The following MICAL3 variants were observed in gnomAD, a reference collection of about 807,000 sequenced individuals.
The protein encoded by MICAL3 is microtubule associated monooxygenase, calponin and LIM domain containing 3.
In MICAL3, 62 loss-of-function variants were observed where a neutral mutation model predicts 207.4. The ratio of observed to expected loss-of-function variants is 0.30; its 90% confidence interval spans 0.24 to 0.37. The LOEUF is 0.37. MICAL3 is among the 10% of genes least tolerant of loss of function. The pLI is 1.00. For missense variants in MICAL3, 2,368 were observed against 2,635.6 expected (o/e 0.90, Z 2.22); for synonymous variants, 1,077 against 1,069.3 (o/e 1.01, Z -0.14).
chr22:17,989,282 A>G (rs1291910132), intron 1 of MICAL3, among the ~76,000 whole-genome samples: 1 of 152,074 alleles, frequency 6.6e-6, no homozygotes, highest in African/African-American at 2.4e-5. Context: ...TTGCCCTTGC[A>G]GTCAGGGCAA....
intron 1 of MICAL3, among the ~76,000 whole-genome samples, chr22:17,955,445 C>A (rs9618175): frequency 0.062 from 9,466 of 152,250 alleles, 526 homozygotes; most frequent in African/African-American, 0.15. Flanking sequence ...TCCTCCCCCT[C>A]AGGAGGGGAT....
At chr22:17,857,009 A>G (rs1317220790) in intron 19 of MICAL3, among the ~76,000 whole-genome samples, 1 of 152,182 alleles carries the variant, frequency 6.6e-6, no homozygotes, top group African/African-American at 2.4e-5. Flanking sequence ...TCTCACTGTA[A>G]CCTGGTCTTT....
intron 1 of MICAL3, among the ~76,000 whole-genome samples, chr22:17,928,175 C>A (rs1484226071): frequency 3.3e-5 from 5 of 152,124 alleles, no homozygotes; most frequent in Non-Finnish European, 7.3e-5. Flanking sequence ...CGCGGTGGCT[C>A]ATGCCTGTAA....
chr22:17,896,118 C>T, intron 9 of MICAL3, 128 bp downstream of exon 9: 1 of 566,616 alleles, frequency 1.8e-6, no homozygotes, highest in Non-Finnish European at 3.2e-6. Flanking sequence ...TCCTCTTTTC[C>T]ACATGAAAAC....
At chr22:18,022,945 C>T (rs1019197209) in intron 1 of MICAL3, among the ~76,000 whole-genome samples, 9 of 152,152 alleles carry the variant, frequency 5.9e-5, no homozygotes, top group African/African-American at 1.9e-4. Context: ...GGACCTGTTC[C>T]GAGAGTGATG....
chr22:17,870,515 A>T (rs1927620378), intron 17 of MICAL3, among the ~76,000 whole-genome samples: 1 of 151,830 alleles, frequency 6.6e-6, no homozygotes, highest in African/African-American at 2.4e-5. Flanking sequence ...GCACACACAC[A>T]CCCATGGGCA....
chr22:17,840,978 C>T (rs574047880), intron 20 of MICAL3: 1 of 152,370 alleles, frequency 6.6e-6, no homozygotes, highest in African/African-American at 2.4e-5. Context: ...GCCCAGCAAA[C>T]ACCTTCTGGA....
intron 19 of MICAL3, among the ~76,000 whole-genome samples, chr22:17,842,657 C>T (rs1602030463): frequency 6.6e-6 from 1 of 152,286 alleles, no homozygotes; most frequent in African/African-American, 2.4e-5. Context: ...ACAGAGGTGG[C>T]ACCCAGGCCT....
At chr22:17,795,085 T>A (rs560189415) in intron 29 of MICAL3, among the ~76,000 whole-genome samples, 2 of 152,332 alleles carry the variant, frequency 1.3e-5, no homozygotes, top group African/African-American at 4.8e-5. Flanking sequence ...GTGGCGTACC[T>A]TGGGCACACT....
At chr22:17,976,894 C>A (rs1334007023) in intron 1 of MICAL3, among the ~76,000 whole-genome samples, 2 of 151,408 alleles carry the variant, frequency 1.3e-5, no homozygotes, top group Non-Finnish European at 2.9e-5. Context: ...GCAAGCTCCG[C>A]CTCCCAGGTT....
rs1346645849 is a variant in MICAL3 at position 17,895,534 on chromosome 22, C to A, written c.1323-124G>T. 1.2e-5 allele frequency: 14 copies of A among 1,163,010 alleles called. 1 individual carries two copies. In the South Asian group the frequency reaches 1.7e-4, roughly 14 times the overall value. 72.0% of individuals were successfully genotyped at this position (1,163,010 alleles called of 1,614,324 possible). ...ATGCCTGACAAATCCTCATCCTTGA[C>A]CAGTCTTCTTGAGTCCTACGTCAGC... On this transcript the variant is annotated intron_variant, in intron 9 of 31. Transcript: ENST00000441493.
Position 17,819,093 on chromosome 22 carries a change from C to T in MICAL3, c.3568G>A (p.Glu1190Lys), listed in dbSNP as rs1921261898. The change falls in exon 26 of 32, where the codon GAG becomes AAG. Residue 1190 changes from glutamate (E) to lysine (K), a missense_variant. Physicochemically the swap from Glu to Lys is moderately conservative, Grantham distance 56 (BLOSUM62 1). Coordinates refer to ENST00000441493, the MANE Select transcript of MICAL3 (RefSeq NM_015241.3). Reference protein sequence around the residue: ...QLPPVPAATQEKSPEERLFPE... With the variant: ...QLPPVPAATQKKSPEERLFPE... ...AAAAGGCGCTCCTCAGGTGATTTCT[C>T]CTGGGTGGCGGCAGGGACAGGTGGG... 1 of 1,513,960 alleles carries T rather than the reference C, an allele frequency of 6.6e-7. No homozygotes were observed. Among genetic ancestry groups the T allele is most frequent in the Non-Finnish European group, 8.9e-7 (1 of 1,128,362 alleles). 93.8% of individuals were successfully genotyped at this position (1,513,960 alleles called of 1,614,324 possible). A position where few individuals can be genotyped will look rare whatever the true frequency, so the allele number is the denominator to read the frequency against.
chr22:17,875,746 T>C (rs73386335), intron 16 of MICAL3, among the ~76,000 whole-genome samples: 7 of 151,330 alleles, frequency 4.6e-5, no homozygotes, highest in East Asian at 1.9e-4. Flanking sequence ...GCTTCCGTTT[T>C]GCTTTTAACT....
At chr22:17,968,063 T>G (rs1246297156) in intron 1 of MICAL3, among the ~76,000 whole-genome samples, 2 of 144,820 alleles carry the variant, frequency 1.4e-5, no homozygotes, top group Admixed American at 1.4e-4. Context: ...AGAGTAAAAT[T>G]TAAAAATTAA....
chr22:17,881,886 T>C (rs1929463797), intron 16 of MICAL3, among the ~76,000 whole-genome samples: 2 of 151,998 alleles, frequency 1.3e-5, no homozygotes, highest in South Asian at 4.1e-4. Context: ...GTCCCTGGCT[T>C]TTCCCTCATT....
At chr22:17,935,441 C>A (rs1182570294) in intron 1 of MICAL3, among the ~76,000 whole-genome samples, 4 of 152,110 alleles carry the variant, frequency 2.6e-5, no homozygotes, top group Admixed American at 1.3e-4. Context: ...AGATGGATTA[C>A]AGACTTAAAT....
chr22:17,988,616 G>A (rs1223655065), intron 1 of MICAL3, among the ~76,000 whole-genome samples: 3 of 152,098 alleles, frequency 2.0e-5, no homozygotes, highest in Middle Eastern at 3.2e-3. Context: ...AACCGCGCCC[G>A]GCTAATTTTT....
intron 29 of MICAL3, among the ~76,000 whole-genome samples, chr22:17,800,368 C>A (rs1333611829): frequency 6.6e-6 from 1 of 152,154 alleles, no homozygotes; most frequent in Non-Finnish European, 1.5e-5. Flanking sequence ...GCTGGGCCGG[C>A]CTGTTCAGGG....
intron 19 of MICAL3, among the ~76,000 whole-genome samples, chr22:17,849,721 G>A (rs1224273865): frequency 4.1e-5 from 5 of 122,568 alleles, no homozygotes; most frequent in Non-Finnish European, 6.5e-5. Context: ...TTGAGATGGA[G>A]TCTCACCCTG....
Sources: gnomAD v4.1 joint callset for allele counts (sites outside exome capture counted in the v4.1 genomes callset) on GRCh38, gnomAD v4.1.1 for gene constraint, MANE v1.5 for transcripts, NCBI Gene and HGNC (gene_info 2026-07-23, HGNC 2026-07-21) for gene names.